Variants in KIDINS220 observed in about 807,000 individuals in gnomAD.
KIDINS220 encodes kinase D interacting substrate 220.
Under a neutral mutation model 157.6 loss-of-function variants are expected in KIDINS220, and 63 were observed. That is an observed-to-expected ratio of 0.40 (90% CI 0.33 to 0.49). KIDINS220 has a LOEUF of 0.49. Among genes scored for constraint, KIDINS220 ranks in the 20% least tolerant of loss-of-function variants. KIDINS220 has a pLI of 0.66. For missense variants in KIDINS220, 1,772 were observed against 2,171.2 expected (o/e 0.82, Z 3.65); for synonymous variants, 732 against 783.6 (o/e 0.93, Z 1.10).
At chr2:8,762,491 A>G (rs1668879650) in intron 22 of KIDINS220, among the ~76,000 whole-genome samples, 1 of 152,236 alleles carries the variant, frequency 6.6e-6, no homozygotes, top group Admixed American at 6.5e-5. Flanking sequence ...TAATCCCAGC[A>G]CTTTGGGAGG....
downstream of KIDINS220, chr2:8,721,098 C>A (rs1662933382): frequency 1.3e-5 from 2 of 151,332 alleles, no homozygotes; most frequent in African/African-American, 4.9e-5. Flanking sequence ...CCTTATGAGA[C>A]CACAATCATT....
intron 26 of KIDINS220, among the ~76,000 whole-genome samples, chr2:8,738,896 A>C (rs1236770139): frequency 1.3e-5 from 2 of 152,252 alleles, no homozygotes; most frequent in African/African-American, 4.8e-5. Context: ...ACATTGACAG[A>C]ATAGCATTTT....
intron 3 of KIDINS220, among the ~76,000 whole-genome samples, chr2:8,818,310 C>T (rs140068698): frequency 3.7e-4 from 56 of 152,180 alleles, no homozygotes; most frequent in Non-Finnish European, 5.0e-4. Flanking sequence ...TTGATTTACC[C>T]CTCACAAGTG....
At chr2:8,777,606 T>C (rs1671141201) in intron 20 of KIDINS220, among the ~76,000 whole-genome samples, 1 of 152,120 alleles carries the variant, frequency 6.6e-6, no homozygotes, top group Non-Finnish European at 1.5e-5. Flanking sequence ...GGCCTGATGT[T>C]TAGGTTATTT....
At chr2:8,723,127 C>T (rs943133292), downstream of KIDINS220, 4 of 152,360 alleles carry the variant, frequency 2.6e-5, no homozygotes, top group East Asian at 1.9e-4. Flanking sequence ...GTGTGCTCAC[C>T]GAAACGCTCC....
At position 8,736,909 on chromosome 2, in the gene KIDINS220, C is replaced by T. The variant is rs1371711279; in HGVS notation, c.3676G>A (p.Asp1226Asn). The change falls in exon 27 of 30, where the codon GAC (aspartate) becomes AAC (asparagine). Residue 1226 changes from aspartate (D) to asparagine (N), a missense_variant. Asp to Asn is a conservative substitution (Grantham distance 23). Transcript: ENST00000256707. ...CEKLKQIEGL[D>N]QSMLPQYCTT... ...CAATACTGAGGCAGCATACTCTGGTCCAGCCCTTCTATTTGTTTCAGCTTC... is the reference window on the plus strand; with the variant it reads ...CAATACTGAGGCAGCATACTCTGGTTCAGCCCTTCTATTTGTTTCAGCTTC... 1 of 1,614,182 alleles carries T rather than the reference C, an allele frequency of 6.2e-7. No homozygotes were observed. The highest frequency in any genetic ancestry group is 1.1e-5 in the South Asian group (1 of 91,078).
chr2:8,750,979 A>G (rs1558342710), intron 23 of KIDINS220, among the ~76,000 whole-genome samples: 1 of 152,206 alleles, frequency 6.6e-6, no homozygotes. Context: ...CATTTATTCC[A>G]AAGCCTTAAT....
chr2:8,729,472 T>C lies in KIDINS220; in HGVS notation c.*1248A>G. On this transcript the variant is annotated 3_prime_UTR_variant, in exon 30 of 30. Coordinates refer to ENST00000256707, the MANE Select transcript of KIDINS220 (RefSeq NM_020738.4). ...ATGTTAAAACGATAACAATATTTCA[T>C]TGCATGATGACAGGGTACATTTCTA... 2.0e-6 allele frequency: 2 copies of C among 985,424 alleles called. No individual in the cohort carries two copies. The highest frequency in any genetic ancestry group is 1.7e-5 in the African/African-American group (1 of 57,362). 61.0% of individuals were successfully genotyped at this position (985,424 alleles called of 1,614,324 possible).
intron 22 of KIDINS220, chr2:8,757,593 T>C (rs539761586): frequency 1.7e-5 from 27 of 1,567,606 alleles, no homozygotes; most frequent in Non-Finnish European, 1.0e-5. Flanking sequence ...GTTTTGAATA[T>C]TTGCCATTTT....
intron 22 of KIDINS220, among the ~76,000 whole-genome samples, chr2:8,759,095 C>T (rs1668420544): frequency 6.6e-6 from 1 of 152,192 alleles, no homozygotes; most frequent in Non-Finnish European, 1.5e-5. Context: ...TTTTAGGCAT[C>T]TTATTGAGTA....
At chr2:8,826,134 A>G (rs1486117076) in intron 2 of KIDINS220, among the ~76,000 whole-genome samples, 2 of 152,182 alleles carry the variant, frequency 1.3e-5, no homozygotes, top group Non-Finnish European at 2.9e-5. Flanking sequence ...ATAATGAACT[A>G]AGATCCACAT....
At chr2:8,790,607 C>T (rs1415557470) in intron 13 of KIDINS220, among the ~76,000 whole-genome samples, 3 of 152,066 alleles carry the variant, frequency 2.0e-5, no homozygotes, top group Non-Finnish European at 4.4e-5. Flanking sequence ...AATACTGAAA[C>T]CTATCCTTGA....
chr2:8,776,931 T>A, intron 20 of KIDINS220, 39 bp from the exon 21 acceptor site: 7 of 1,599,380 alleles, frequency 4.4e-6, no homozygotes, highest in Non-Finnish European at 3.4e-6. Flanking sequence ...AACCCACGCG[T>A]CCAGTCTAAG....
chr2:8,768,383 C>T (rs1224998281), intron 22 of KIDINS220, among the ~76,000 whole-genome samples: 1 of 151,938 alleles, frequency 6.6e-6, no homozygotes, highest in Non-Finnish European at 1.5e-5. Flanking sequence ...CCGTGGTTTA[C>T]AGAGGGGTCT....
At chr2:8,768,601 A>T (rs570676830) in intron 22 of KIDINS220, among the ~76,000 whole-genome samples, 3 of 152,354 alleles carry the variant, frequency 2.0e-5, no homozygotes, top group Admixed American at 6.5e-5. Flanking sequence ...TTTTACTACT[A>T]GCGTTAAAAA....
Position 8,818,901 on chromosome 2 carries a change from T to C in KIDINS220, c.109-108A>G, listed in dbSNP as rs899491363. ...TCATGAATGTATGTTAAGCATTGTT[T>C]AGTTGTGTTTACTATATTTAATTTA... On this transcript the variant is annotated intron_variant, in intron 2 of 29. Coordinates refer to ENST00000256707, the MANE Select transcript of KIDINS220 (RefSeq NM_020738.4). The C allele has an allele frequency of 9.8e-6, 5 of 507,798 alleles. No homozygotes were observed. The South Asian group carries it at 1.6e-4, about 17-fold the overall frequency. 31.5% of individuals were successfully genotyped at this position (507,798 alleles called of 1,614,324 possible).
rs577220860 is a variant in KIDINS220, at chr2:8,782,195, C to T, written c.2230-2381G>A. Among the ~76,000 whole-genome samples the T allele has an allele frequency of 2.0e-3, 301 of 151,888 alleles. 1 individual carries two copies. Among genetic ancestry groups the T allele is most frequent in the Admixed American group, 2.6e-3 (39 of 15,270 alleles). On this transcript the variant is annotated intron_variant, in intron 17 of 29. Transcript: ENST00000256707. ...AAACTAGAAAAAGAGCAAATTAAAT[C>T]CAAAGTAATCAGAAGAAAAGAAATA...
chr2:8,789,222 A>G (rs775886838), intron 14 of KIDINS220, among the ~76,000 whole-genome samples: 26 of 151,620 alleles, frequency 1.7e-4, no homozygotes, highest in Middle Eastern at 3.2e-3. Context: ...AAGTACAGAC[A>G]TGGTCAAAAT....
rs1009069970 is a variant in KIDINS220 at position 8,731,763 on chromosome 2, C to G, written c.4273G>C (p.Gly1425Arg). ...TGCTCTAGGTTTGAATGAATAGAGC[C>G]CCCTGATGAACTCTGACCCATGTAA... is the stretch of plus-strand genomic sequence containing the variant. ...TYYMGQSSSG[G>R]SIHSNLEQEK... The change falls in exon 30 of 30, where the codon GGC becomes CGC. Residue 1425 changes from glycine (G) to arginine (R), a missense_variant. Physicochemically the swap from Gly to Arg is moderately radical, Grantham distance 125 (BLOSUM62 -2). Around this residue, in one of 3 missense-constraint regions of KIDINS220, gnomAD observed 793 missense variants for 885.5 expected, o/e 0.90. Transcript: ENST00000256707. This position sits in a 1 kb window ranked among gnomAD's most constrained non-coding sequence, Gnocchi z 5.2. 7 of 1,614,000 alleles carry G rather than the reference C, an allele frequency of 4.3e-6. No individual in the cohort carries two copies. Among genetic ancestry groups the G allele is most frequent in the Non-Finnish European group, 5.9e-6 (7 of 1,179,976 alleles).
Sources: gnomAD v4.1 joint callset for allele counts (sites outside exome capture counted in the v4.1 genomes callset) on GRCh38, gnomAD v4.1.1 for gene constraint, gnomAD v4.1.1 regional missense constraint, Gnocchi (gnomAD v3.1) non-coding constraint, MANE v1.5 for transcripts, NCBI Gene and HGNC (gene_info 2026-07-23, HGNC 2026-07-21) for gene names.